STXBP6: variants seen among roughly 807,000 people sequenced by gnomAD.
The protein encoded by STXBP6 is syntaxin-binding protein 6.
Under a neutral mutation model 26.9 loss-of-function variants are expected in STXBP6, and 21 were observed. The observed-to-expected ratio is 0.78, with a 90% confidence interval of 0.55 to 1.12. The LOEUF is 1.12. Ranked by LOEUF, STXBP6 falls within the 50% of genes most tolerant of loss-of-function variation. The pLI is 0.00. For synonymous variants in STXBP6, 97 were observed against 92.6 expected, an observed-to-expected ratio of 1.05 and a Z score of -0.27; for missense variants, 232 against 257.9, an observed-to-expected ratio of 0.90 and a Z score of 0.69.
At chr14:24,922,676 C>T (rs1182307298) in intron 2 of STXBP6, among the ~76,000 whole-genome samples, 1 of 152,012 alleles carries the variant, frequency 6.6e-6, no homozygotes, top group Non-Finnish European at 1.5e-5. Context: ...ACTTGGTGAC[C>T]TTGACCTTGA....
intron 2 of STXBP6, among the ~76,000 whole-genome samples, chr14:24,918,188 G>A (rs2071837383): frequency 6.6e-6 from 1 of 151,872 alleles, no homozygotes; most frequent in Admixed American, 6.6e-5. Context: ...TGGTAAATAG[G>A]ATAGCAGTGA....
chr14:25,014,075 C>T (rs968904906), intron 1 of STXBP6, among the ~76,000 whole-genome samples: 1 of 152,118 alleles, frequency 6.6e-6, no homozygotes, highest in African/African-American at 2.4e-5. Flanking sequence ...AGAGAGGAGG[C>T]TAAGATCTAG....
intron 2 of STXBP6, among the ~76,000 whole-genome samples, chr14:24,930,596 G>A (rs571049316): frequency 1.3e-5 from 2 of 152,150 alleles, no homozygotes; most frequent in African/African-American, 4.8e-5. Flanking sequence ...GCCTATGGAG[G>A]TGTTCTGCTG....
chr14:24,874,615 G>T lies in STXBP6; in HGVS notation c.155-17458C>A, dbSNP rs1027703356. ...AGAAAGCTAGGATGGTCCATGTATT[G>T]TCACAGGTAGAAGGTCATTTTAATT... On this transcript the variant is annotated intron_variant, in intron 2 of 5. Coordinates refer to ENST00000323944, the MANE Select transcript of STXBP6 (RefSeq NM_001394410.1). Among the ~76,000 whole-genome samples, 8 of 152,230 alleles carry T rather than the reference G, an allele frequency of 5.3e-5. 2 individuals are homozygous for T. Among genetic ancestry groups the T allele is most frequent in the Admixed American group, 3.9e-4 (6 of 15,294 alleles).
At chr14:24,958,933 A>T (rs866938833) in intron 2 of STXBP6, among the ~76,000 whole-genome samples, 1 of 152,212 alleles carries the variant, frequency 6.6e-6, no homozygotes, top group African/African-American at 2.4e-5. Context: ...AATGCTTCCA[A>T]CAGACACATA....
intron 1 of STXBP6, among the ~76,000 whole-genome samples, chr14:24,980,808 A>T (rs2074169833): frequency 6.6e-6 from 1 of 152,254 alleles, no homozygotes; most frequent in Admixed American, 6.5e-5. Flanking sequence ...GGGGATATGA[A>T]TAAAAACTAA....
At chr14:24,889,575 T>TA (rs1555320725) in intron 2 of STXBP6, among the ~76,000 whole-genome samples, 1 of 147,382 alleles carries the variant, frequency 6.8e-6, no homozygotes, top group Non-Finnish European at 1.5e-5. Context: ...AATAATAAAA[T>TA]AAAAAAAGAA....
chr14:25,042,407 T>C (rs767791374), intron 1 of STXBP6, among the ~76,000 whole-genome samples: 16 of 152,194 alleles, frequency 1.1e-4, no homozygotes, highest in Non-Finnish European at 2.2e-4. Context: ...AGAATCCCAG[T>C]CATGTATTTT....
At chr14:24,950,568 AAATC>A (rs772750341) in intron 2 of STXBP6, among the ~76,000 whole-genome samples, 13 of 152,318 alleles carry the variant, frequency 8.5e-5, no homozygotes, top group Middle Eastern at 3.4e-3. Context: ...AGAGGGAAAA[AAATC>A]AAGCACTAAT....
Position 24,977,615 on chromosome 14 carries a change from T to G in STXBP6, c.-32-2765A>C, listed in dbSNP as rs576577440. ...GATGTCTTCACCTACCTCCTGGAAC[T>G]AAAGAATTAAATGAAACAATATATG... On this transcript the variant is annotated intron_variant, in intron 1 of 5. Transcript: ENST00000323944. Among the ~76,000 whole-genome samples, 10 of 152,328 alleles carry G rather than the reference T, an allele frequency of 6.6e-5. No homozygotes were observed. The South Asian group carries it at 1.9e-3, about 28-fold the overall frequency.
intron 1 of STXBP6, among the ~76,000 whole-genome samples, chr14:25,002,358 A>ATTTTTTTT (rs1566552415): frequency 9.1e-6 from 1 of 110,222 alleles, no homozygotes; most frequent in African/African-American, 4.5e-5. Flanking sequence ...AATTCTTATG[A>ATTTTTTTT]CTTTTTTTTT....
chr14:24,909,822 A>G (rs1271973832), intron 2 of STXBP6, among the ~76,000 whole-genome samples: 1 of 151,440 alleles, frequency 6.6e-6, no homozygotes, highest in African/African-American at 2.4e-5. Flanking sequence ...GTAACAGAGA[A>G]AGACTCTGTC....
At chr14:24,865,292 G>A (rs962155722) in intron 2 of STXBP6, among the ~76,000 whole-genome samples, 2 of 152,106 alleles carry the variant, frequency 1.3e-5, no homozygotes, top group Admixed American at 6.6e-5. Context: ...GATGGGAAAT[G>A]AATAAGGTGA....
At chr14:24,841,006 T>A (rs1311352220) in intron 4 of STXBP6, among the ~76,000 whole-genome samples, 1 of 152,220 alleles carries the variant, frequency 6.6e-6, no homozygotes, top group Non-Finnish European at 1.5e-5. Flanking sequence ...TTTAAAATAA[T>A]CATTAAGACA....
chr14:24,884,553 C>T (rs1379342584), intron 2 of STXBP6, among the ~76,000 whole-genome samples: 5 of 152,292 alleles, frequency 3.3e-5, no homozygotes, highest in South Asian at 2.1e-4. Flanking sequence ...GCACTGCCTA[C>T]GTGAACCAAC....
At chr14:24,975,192 T>C (rs1042523327) in intron 1 of STXBP6, among the ~76,000 whole-genome samples, 1 of 152,210 alleles carries the variant, frequency 6.6e-6, no homozygotes, top group African/African-American at 2.4e-5. Context: ...TCCTGTTCTG[T>C]AAGAAACATA....
intron 5 of STXBP6, 103 bp downstream of exon 5, chr14:24,818,934 A>C: frequency 7.0e-7 from 1 of 1,423,836 alleles, no homozygotes. Context: ...GAAATAGCTT[A>C]ATTTTATATC....
At chr14:24,834,885 G>C (rs909134171) in intron 4 of STXBP6, among the ~76,000 whole-genome samples, 2 of 152,166 alleles carry the variant, frequency 1.3e-5, no homozygotes, top group Admixed American at 1.3e-4. Flanking sequence ...CAAGTTATCT[G>C]ATTTGAGACT....
chr14:24,972,656 A>G (rs930904412), intron 2 of STXBP6, among the ~76,000 whole-genome samples: 4 of 152,218 alleles, frequency 2.6e-5, no homozygotes, highest in African/African-American at 7.2e-5. Flanking sequence ...AGTGTATTCT[A>G]TTCATTGTTT....
Sources: gnomAD v4.1 joint callset for allele counts (sites outside exome capture counted in the v4.1 genomes callset) on GRCh38, gnomAD v4.1.1 for gene constraint, MANE v1.5 for transcripts, NCBI Gene and HGNC (gene_info 2026-07-23, HGNC 2026-07-21) for gene names.